PTPRR: variants seen among roughly 807,000 people sequenced by gnomAD.
PTPRR encodes protein tyrosine phosphatase receptor type R, also known as receptor-type tyrosine-protein phosphatase R.
Under a neutral mutation model 77.2 loss-of-function variants are expected in PTPRR, and 38 were observed. The observed-to-expected ratio is 0.49, with a 90% confidence interval of 0.38 to 0.65. PTPRR has a LOEUF of 0.65. PTPRR is among the 30% of genes least tolerant of loss of function. PTPRR has a pLI of 0.00. For missense variants in PTPRR, 744 were observed against 799.2 expected (o/e 0.93, Z 0.83); for synonymous variants, 299 against 283.1 (o/e 1.06, Z -0.57).
intron 2 of PTPRR, among the ~76,000 whole-genome samples, chr12:70,820,523 C>T (rs1345981594): frequency 1.3e-5 from 2 of 152,246 alleles, no homozygotes; most frequent in East Asian, 1.9e-4. Flanking sequence ...TTAGTAGCGA[C>T]GGAGTTTCAC....
chr12:70,876,891 T>A (rs574752798), intron 2 of PTPRR, among the ~76,000 whole-genome samples: 1 of 152,276 alleles, frequency 6.6e-6, no homozygotes, highest in South Asian at 2.1e-4. Context: ...GGTGAACATA[T>A]GGCAAGTGTT....
intron 2 of PTPRR, among the ~76,000 whole-genome samples, chr12:70,808,758 C>T (rs998574876): frequency 1.6e-4 from 24 of 152,178 alleles, no homozygotes; most frequent in Admixed American, 6.6e-5. Flanking sequence ...TATCATACTA[C>T]CATTTGCCTC....
At chr12:70,918,353 A>G (rs1024463595) in intron 1 of PTPRR, among the ~76,000 whole-genome samples, 1 of 152,264 alleles carries the variant, frequency 6.6e-6, no homozygotes, top group Non-Finnish European at 1.5e-5. Flanking sequence ...TACAATGAAT[A>G]GTATCTTGCA....
intron 2 of PTPRR, among the ~76,000 whole-genome samples, chr12:70,776,595 G>A (rs984794856): frequency 6.6e-6 from 1 of 152,006 alleles, no homozygotes; most frequent in African/African-American, 2.4e-5. Context: ...TCATACTCCA[G>A]GCATCCCTAA....
At chr12:70,865,003 C>G (rs763299953) in intron 2 of PTPRR, among the ~76,000 whole-genome samples, 1 of 151,964 alleles carries the variant, frequency 6.6e-6, no homozygotes, top group Admixed American at 6.6e-5. Context: ...TTAGTACAGA[C>G]GGGGTTTTAC....
At chr12:70,676,137 T>G (rs909431345) in intron 10 of PTPRR, among the ~76,000 whole-genome samples, 4 of 151,926 alleles carry the variant, frequency 2.6e-5, no homozygotes, top group African/African-American at 9.7e-5. Flanking sequence ...TATGGTATAT[T>G]GGATATCAAA....
At position 70,698,261 on chromosome 12, in the gene PTPRR, T is replaced by C; in HGVS notation, c.1279+4A>G. 6.2e-7 allele frequency: 1 copy of C among 1,611,816 alleles called. No individual in the cohort carries two copies. Among genetic ancestry groups the C allele is most frequent in the South Asian group, 1.1e-5 (1 of 91,008 alleles). ...AATGCAAATTATAAAATCAAGAAGCTTACTTGGTAAAATGGTCTTATAGCG... is the reference window on the plus strand; with the variant it reads ...AATGCAAATTATAAAATCAAGAAGCCTACTTGGTAAAATGGTCTTATAGCG... On this transcript the variant is annotated splice_donor_region_variant and intron_variant, in intron 8 of 13. Coordinates refer to ENST00000283228, the MANE Select transcript of PTPRR (RefSeq NM_002849.4).
At chr12:70,653,540 A>G (rs964697355) in intron 13 of PTPRR, among the ~76,000 whole-genome samples, 3 of 152,208 alleles carry the variant, frequency 2.0e-5, no homozygotes, top group African/African-American at 7.2e-5. Context: ...GTTTAATGTC[A>G]TTTAAATGTG....
chr12:70,814,132 G>C (rs912046842), intron 2 of PTPRR, among the ~76,000 whole-genome samples: 2 of 152,152 alleles, frequency 1.3e-5, no homozygotes, highest in Non-Finnish European at 2.9e-5. Flanking sequence ...TATAGTCTAA[G>C]AGGCAAAAGC....
chr12:70,698,308 A>G lies in PTPRR; in HGVS notation c.1236T>C (p.Ile412=), dbSNP rs1251163193. Residue 412 remains isoleucine (I), a synonymous_variant, in exon 8 of 14, where the codon ATT becomes ATC. Coordinates refer to ENST00000283228, the MANE Select transcript of PTPRR (RefSeq NM_002849.4). ...MNFVDPKEID[I]PRHGTKNRYK... ...AGCGATTTTTAGTTCCATGACGCGG[A>G]ATATCAATTTCTTTGGGATCCACAA... 1 of 1,613,060 alleles carries G rather than the reference A, an allele frequency of 6.2e-7. No individual in the cohort carries two copies. The highest frequency in any genetic ancestry group is 1.3e-5 in the African/African-American group (1 of 74,864).
chr12:70,841,087 C>A lies in PTPRR; in HGVS notation c.357+51592G>T, dbSNP rs1262375826. On this transcript the variant is annotated intron_variant, in intron 2 of 13. Coordinates refer to ENST00000283228, the MANE Select transcript of PTPRR (RefSeq NM_002849.4). ...TGAGTTGGTCCAGGAGAATTTCCTGCACTAAACCTTTTCCCTGCCCCAGAA... is the reference window on the plus strand; with the variant it reads ...TGAGTTGGTCCAGGAGAATTTCCTGAACTAAACCTTTTCCCTGCCCCAGAA... 7.3e-5 allele frequency among the ~76,000 whole-genome samples: 11 copies of A among 150,964 alleles called. No homozygotes were observed. In the Admixed American group the frequency reaches 7.3e-4, roughly 10 times the overall value.
At chr12:70,671,667 A>T (rs1216551421) in intron 10 of PTPRR, among the ~76,000 whole-genome samples, 1 of 152,234 alleles carries the variant, frequency 6.6e-6, no homozygotes, top group Non-Finnish European at 1.5e-5. Context: ...ATCTCTGAGG[A>T]CAATTACTGC....
chr12:70,746,524 T>G (rs1266302247), intron 5 of PTPRR, among the ~76,000 whole-genome samples: 1 of 152,112 alleles, frequency 6.6e-6, no homozygotes, highest in Non-Finnish European at 1.5e-5. Flanking sequence ...AAAATAATAG[T>G]TATGCCATAA....
At position 70,774,698 on chromosome 12, in the gene PTPRR, A is replaced by C. The variant is rs113556113; in HGVS notation, c.358-9920T>G. On this transcript the variant is annotated intron_variant, in intron 2 of 13. Transcript: ENST00000283228. ...AAATAGTGATGCTAAAATATAGTAC[A>C]AACAGATATCTATGTATTTGAAGGC... 8.0e-3 allele frequency among the ~76,000 whole-genome samples: 1,222 copies of C among 152,344 alleles called. 23 individuals are homozygous for C. Among genetic ancestry groups the C allele is most frequent in the African/African-American group, 0.028 (1,144 of 41,584 alleles).
chr12:70,883,796 A>G (rs533099465), intron 2 of PTPRR, among the ~76,000 whole-genome samples: 1 of 152,350 alleles, frequency 6.6e-6, no homozygotes, highest in African/African-American at 2.4e-5. Context: ...TGTCATGAAA[A>G]TCTAATATTT....
intron 1 of PTPRR, among the ~76,000 whole-genome samples, chr12:70,904,059 A>G (rs1431706229): frequency 6.6e-6 from 1 of 151,902 alleles, no homozygotes; most frequent in Non-Finnish European, 1.5e-5. Context: ...GAAATGTACT[A>G]ATAATACTGG....
chr12:70,689,940 C>A (rs1000452821), intron 8 of PTPRR, among the ~76,000 whole-genome samples: 1 of 152,192 alleles, frequency 6.6e-6, no homozygotes, highest in Admixed American at 6.5e-5. Context: ...TTCTTACCAC[C>A]CCTTGCATTA....
chr12:70,644,483 A>T (rs1886124470), intron 13 of PTPRR, among the ~76,000 whole-genome samples: 1 of 152,188 alleles, frequency 6.6e-6, no homozygotes, highest in African/African-American at 2.4e-5. Context: ...TCCACCACTT[A>T]CTAGATATTT....
At chr12:70,645,783 G>A (rs1219159386) in intron 13 of PTPRR, among the ~76,000 whole-genome samples, 1 of 152,026 alleles carries the variant, frequency 6.6e-6, no homozygotes, top group East Asian at 1.9e-4. Context: ...GTGCAGAACA[G>A]CACGTAGCTG....
Sources: gnomAD v4.1 joint callset for allele counts (sites outside exome capture counted in the v4.1 genomes callset) on GRCh38, gnomAD v4.1.1 for gene constraint, MANE v1.5 for transcripts, NCBI Gene and HGNC (gene_info 2026-07-23, HGNC 2026-07-21) for gene names.